ZDHHC6: variants seen among roughly 807,000 people sequenced by gnomAD.
ZDHHC6 encodes the protein palmitoyltransferase ZDHHC6.
ZDHHC6 carries 32 observed loss-of-function variants against 57.8 expected under a neutral mutation model. The observed-to-expected ratio is 0.55, with a 90% CI of 0.42 to 0.74. The LOEUF (loss-of-function observed/expected upper bound fraction) is 0.74, where lower values mean the gene tolerates loss of function less well. Ranked by LOEUF, ZDHHC6 falls within the 30% of genes least tolerant of loss-of-function variation. ZDHHC6 has a pLI of 0.00. For synonymous variants in ZDHHC6, 128 were observed against 158.0 expected (o/e 0.81, Z 1.42); for missense variants, 433 against 500.7 (o/e 0.86, Z 1.29).
downstream of ZDHHC6, chr10:112,427,447 CTCCT>C (rs1844777868): frequency 3.8e-6 from 5 of 1,332,854 alleles, no homozygotes; most frequent in Non-Finnish European, 5.0e-6. Flanking sequence ...TTTGCCTTTC[CTCCT>C]ATTTTTTTTT....
chr10:112,446,926 C>T (rs989511873), upstream of ZDHHC6: 6 of 209,250 alleles, frequency 2.9e-5, no homozygotes, highest in African/African-American at 4.6e-5. Context: ...CCGCTCAGGC[C>T]CCCTGCGCAG....
At chr10:112,432,054 A>C (rs1352394717) in intron 10 of ZDHHC6, among the ~76,000 whole-genome samples, 186 bp downstream of exon 10, 1 of 152,250 alleles carries the variant, frequency 6.6e-6, no homozygotes, top group Admixed American at 6.5e-5. Flanking sequence ...ATCATTAAAA[A>C]GACCTGAAAA....
intron 5 of ZDHHC6, among the ~76,000 whole-genome samples, chr10:112,439,349 T>C (rs1264318057): frequency 1.3e-5 from 2 of 151,924 alleles, no homozygotes; most frequent in African/African-American, 4.8e-5. Context: ...GAATGGTTTT[T>C]GGGCCGGGCA....
At chr10:112,440,013 A>G (rs1845954711) in intron 5 of ZDHHC6, among the ~76,000 whole-genome samples, 1 of 152,170 alleles carries the variant, frequency 6.6e-6, no homozygotes, top group South Asian at 2.1e-4. Flanking sequence ...TATTAAATAT[A>G]TACTATTATA....
At chr10:112,432,181 A>T (rs1178394378) in intron 10 of ZDHHC6, 59 bp downstream of exon 10, 1 of 1,518,030 alleles carries the variant, frequency 6.6e-7, no homozygotes, top group Non-Finnish European at 8.9e-7. Context: ...TTATTCTTGT[A>T]AAATTTGGAA....
chr10:112,445,126 TA>T, intron 2 of ZDHHC6, 43 bp downstream of exon 2: 3 of 1,577,274 alleles, frequency 1.9e-6, no homozygotes, highest in Non-Finnish European at 2.6e-6. Flanking sequence ...AAACCAAATA[TA>T]CGATTATCAT....
intron 2 of ZDHHC6, among the ~76,000 whole-genome samples, chr10:112,444,889 T>C (rs571031300): frequency 1.5e-4 from 23 of 152,284 alleles, no homozygotes; most frequent in African/African-American, 5.3e-4. Flanking sequence ...TCCTAAACTT[T>C]TGACCATGAA....
chr10:112,447,248 C>A (rs977202372), upstream of ZDHHC6: 27 of 994,690 alleles, frequency 2.7e-5, no homozygotes, highest in South Asian at 3.8e-4. Flanking sequence ...TGAGAGCTGT[C>A]CCCGGTTCTC....
downstream of ZDHHC6, chr10:112,428,459 T>C (rs1384439298): frequency 5.0e-6 from 2 of 398,538 alleles, no homozygotes; most frequent in Middle Eastern, 6.3e-4. Flanking sequence ...AAGTACAGTA[T>C]CTGTTCTTAA....
Position 112,432,301 on chromosome 10 carries a change from A to C in ZDHHC6, c.1092-15T>G, listed in dbSNP as rs756480684. On this transcript the variant is annotated splice_polypyrimidine_tract_variant and intron_variant, in intron 9 of 10. Coordinates refer to ENST00000369405, the MANE Select transcript of ZDHHC6 (RefSeq NM_022494.3). ...ATAACCAGTATCTGAAATATTTAAA[A>C]GATGAAAATTAATTTTTTAGGCTAG... 104 of 1,607,718 alleles carry C rather than the reference A, an allele frequency of 6.5e-5. No individual in the cohort carries two copies. In the South Asian group the frequency reaches 1.2e-3, roughly 18 times the overall value.
downstream of ZDHHC6, among the ~76,000 whole-genome samples, chr10:112,428,770 C>CA (rs11311716): frequency 2.5e-4 from 36 of 144,142 alleles, 1 homozygote; most frequent in Admixed American, 4.1e-4. Context: ...GACTCTGTCT[C>CA]AAAAAAAAAA....
downstream of ZDHHC6, among the ~76,000 whole-genome samples, chr10:112,429,561 T>C (rs1316349587): frequency 6.6e-6 from 1 of 152,220 alleles, no homozygotes; most frequent in African/African-American, 2.4e-5. Context: ...TCACATTCCC[T>C]GCCTTGGAAA....
At chr10:112,447,049 G>T, upstream of ZDHHC6, 1 of 315,722 alleles carries the variant, frequency 3.2e-6, no homozygotes, top group Non-Finnish European at 6.2e-6. Context: ...ACGAAGGGGG[G>T]AAAAAACGCT....
chr10:112,441,079 T>G (rs1182002664), intron 4 of ZDHHC6, among the ~76,000 whole-genome samples: 1 of 152,086 alleles, frequency 6.6e-6, no homozygotes, highest in Non-Finnish European at 1.5e-5. Flanking sequence ...CTCCTGACCT[T>G]GTGACCCACA....
intron 3 of ZDHHC6, among the ~76,000 whole-genome samples, chr10:112,442,971 A>G (rs1184586185): frequency 6.6e-6 from 1 of 152,216 alleles, no homozygotes; most frequent in East Asian, 1.9e-4. Context: ...ATTTCTTACT[A>G]ATCAGTGATT....
At chr10:112,426,394 A>G, downstream of ZDHHC6, 1 of 1,572,194 alleles carries the variant, frequency 6.4e-7, no homozygotes, top group Non-Finnish European at 8.8e-7. Context: ...ATGCACACCC[A>G]TGGGCCCATC....
At chr10:112,445,816 C>G (rs565354101) in intron 1 of ZDHHC6, among the ~76,000 whole-genome samples, 166 bp from the exon 2 acceptor site, 1 of 152,230 alleles carries the variant, frequency 6.6e-6, no homozygotes, top group Admixed American at 6.5e-5. Flanking sequence ...CTACTTTTGA[C>G]TTATCCAAAA....
chr10:112,426,862 G>A (rs1187721907), downstream of ZDHHC6: 7 of 1,609,618 alleles, frequency 4.3e-6, no homozygotes, highest in South Asian at 4.4e-5. Context: ...TTGAACAGGT[G>A]TGTGCTACCA....
At chr10:112,447,148 A>G, upstream of ZDHHC6, 1 of 526,942 alleles carries the variant, frequency 1.9e-6, no homozygotes, top group Non-Finnish European at 3.4e-6. Context: ...GAACTTACTT[A>G]TCTTAAAGTC....
Sources: allele counts gnomAD v4.1 joint callset (sites outside exome capture counted in the v4.1 genomes callset), GRCh38; gene constraint gnomAD v4.1.1; transcripts MANE v1.5; gene names NCBI Gene and HGNC (gene_info 2026-07-23, HGNC 2026-07-21).